TFR2: variants seen among roughly 807,000 people sequenced by gnomAD.
TFR2 encodes the protein transferrin receptor 2, also known as transferrin receptor protein 2.
Under a neutral mutation model 91.9 loss-of-function variants are expected in TFR2, and 64 were observed. The ratio of observed to expected loss-of-function variants is 0.70; its 90% CI spans 0.57 to 0.86. The LOEUF is 0.86. Among genes scored for constraint, TFR2 ranks in the 40% least tolerant of loss-of-function variants. The pLI, the probability that TFR2 is intolerant of heterozygous loss-of-function variation, is 0.00. For missense variants in TFR2, 950 were observed against 1,080.5 expected (o/e 0.88, Z 1.69); for synonymous variants, 454 against 459.6 (o/e 0.99, Z 0.15).
chr7:100,630,834 CA>C (rs1562840610), intron 9 of TFR2, 54 bp downstream of exon 9: 1 of 1,609,720 alleles, frequency 6.2e-7, no homozygotes, highest in African/African-American at 1.3e-5. Flanking sequence ...GGTGTATGGG[CA>C]GAAATTCCCC....
chr7:100,630,033 C>G (rs768214183), intron 9 of TFR2, among the ~76,000 whole-genome samples: 1 of 152,150 alleles, frequency 6.6e-6, no homozygotes, highest in Non-Finnish European at 1.5e-5. Flanking sequence ...CGTGAGCCAC[C>G]GCACCCAGCC....
chr7:100,626,558 C>T (rs1335593446), intron 17 of TFR2: 3 of 1,410,816 alleles, frequency 2.1e-6, no homozygotes, highest in Non-Finnish European at 1.8e-6. Flanking sequence ...CCTCCCTGTC[C>T]ATTTCATCAC....
At chr7:100,631,701 A>G in intron 8 of TFR2, 105 bp downstream of exon 8, 1 of 1,500,634 alleles carries the variant, frequency 6.7e-7, no homozygotes, top group Non-Finnish European at 9.0e-7. Flanking sequence ...CTGCAGGCTT[A>G]AACAAGAGTC....
chr7:100,631,970 A>C, intron 7 of TFR2, 25 bp from the exon 8 acceptor site: 1 of 1,614,080 alleles, frequency 6.2e-7, no homozygotes, highest in South Asian at 1.1e-5. Context: ...GTGCCCACGC[A>C]AAGCTGCGAG....
chr7:100,633,307 C>T lies in TFR2; in HGVS notation c.648G>A (p.Glu216=). The T allele has an allele frequency of 6.2e-7, 1 of 1,613,712 alleles. No homozygotes were observed. Among genetic ancestry groups the T allele is most frequent in the Non-Finnish European group, 8.5e-7 (1 of 1,179,854 alleles). Residue 216 remains glutamate (E), a synonymous_variant, in exon 5 of 18, where the codon GAG becomes GAA. Coordinates refer to ENST00000223051, the MANE Select transcript of TFR2 (RefSeq NM_003227.4). The part of the protein sequence containing the change: ...AHPNTLHWVD[E]AGKVGEQLPL... ...GCAGCTGCTCTCCGACCTTCCCGGCCTCATCGACCCAGTGCAGGGTGTTGG... is the reference window on the plus strand; with the variant it reads ...GCAGCTGCTCTCCGACCTTCCCGGCTTCATCGACCCAGTGCAGGGTGTTGG...
chr7:100,622,557 A>G (rs1343615104), intron 17 of TFR2, among the ~76,000 whole-genome samples: 1 of 152,160 alleles, frequency 6.6e-6, no homozygotes, highest in African/African-American at 2.4e-5. Context: ...GATTTCAGGT[A>G]AGTTTCTTAG....
rs764366227 is a variant in TFR2, at chr7:100,627,653, G to GGCC, written c.1688_1690dup (p.Arg563dup). On this transcript the variant is annotated inframe_insertion, in exon 15 of 18. Coordinates refer to ENST00000223051, the MANE Select transcript of TFR2 (RefSeq NM_003227.4). ...ATAGGCACTGCTGTCCATGGGTAGG[G>GGCC]GCCGGATCCTGGGGGCAGGTGGGTT... The GGCC allele has an allele frequency of 6.2e-7, 1 of 1,614,040 alleles. No homozygotes were observed. Among genetic ancestry groups the GGCC allele is most frequent in the African/African-American group, 1.3e-5 (1 of 74,914 alleles).
rs772921058 is a variant in TFR2 at position 100,633,089 on chromosome 7, T to A, written c.761A>T (p.Glu254Val). 2 of 1,613,490 alleles carry A rather than the reference T, an allele frequency of 1.2e-6. No homozygotes were observed. The highest frequency in any genetic ancestry group is 1.7e-6 in the Non-Finnish European group (2 of 1,179,912). The change falls in exon 6 of 18, where the codon GAA becomes GTA. Residue 254 changes from glutamate to valine, a missense_variant. By Grantham distance (121) the Glu-to-Val change is moderately radical. Coordinates refer to ENST00000223051, the MANE Select transcript of TFR2 (RefSeq NM_003227.4). The part of the protein sequence containing the change: ...ELVYAHYGRP[E>V]DLQDLRARGV... ...CCTGGCCCGCAGGTCCTGCAGGTCT[T>A]CGGGCCGCCCGTAGTGGGCGTACAC...
In TFR2 at chr7:100,633,147, C is replaced by G. The variant is rs143294407; in HGVS notation, c.727-24G>C. 2,281 of 1,613,074 alleles carry G rather than the reference C, an allele frequency of 1.4e-3. 26 individuals are homozygous for G. The African/African-American group carries it at 0.025, about 18-fold the overall frequency. On this transcript the variant is annotated intron_variant, in intron 5 of 17. Transcript: ENST00000223051. The stretch of plus-strand genomic sequence containing the variant: ...CCCTGGGGACACGAGGACGGTGAGG[C>G]GCGCTCCCCGCGTCCCTCCTTCGAG...
Position 100,620,910 on chromosome 7 carries a change from C to T in TFR2, c.2353G>A (p.Gly785Arg). 1 of 1,614,110 alleles carries T rather than the reference C, an allele frequency of 6.2e-7. No individual in the cohort carries two copies. Among genetic ancestry groups the T allele is most frequent in the Non-Finnish European group, 8.5e-7 (1 of 1,179,918 alleles). ...QLALLTWTLQGAANALSGDVW... is the reference protein window; with the variant it reads ...QLALLTWTLQRAANALSGDVW... ...TCCCCGCTAAGCGCATTGGCTGCCCCTTGCAGCGTCCAGGTGAGCAGGGCT... is the reference window on the plus strand; with the variant it reads ...TCCCCGCTAAGCGCATTGGCTGCCCTTTGCAGCGTCCAGGTGAGCAGGGCT... The change falls in exon 18 of 18, where the codon GGG (glycine) becomes AGG (arginine). Residue 785 changes from glycine (G) to arginine (R), a missense_variant. By Grantham distance (125) the Gly-to-Arg change is moderately radical. Transcript: ENST00000223051.
intron 1 of TFR2, 114 bp from the exon 2 acceptor site, chr7:100,641,342 CGTGGGGGAGGGG>C: frequency 4.1e-5 from 8 of 194,494 alleles, no homozygotes; most frequent in East Asian, 1.5e-4. Flanking sequence ...GTGGTGGGGG[CGTGGGGGAGGGG>C]CAGGGGTGGG....
chr7:100,623,887 CAA>C (rs36052130), intron 17 of TFR2, among the ~76,000 whole-genome samples: 19,058 of 96,240 alleles, frequency 0.2, 1,588 homozygotes, highest in Non-Finnish European at 0.23. Flanking sequence ...CCTTCTCTAC[CAA>C]AAAAAAAAAA....
At chr7:100,625,493 G>C (rs1803229526) in intron 17 of TFR2, among the ~76,000 whole-genome samples, 2 of 152,174 alleles carry the variant, frequency 1.3e-5, no homozygotes, top group Non-Finnish European at 2.9e-5. Flanking sequence ...GAATGAGAAT[G>C]AACCATACCC....
chr7:100,640,826 G>A lies in TFR2; in HGVS notation c.333C>T (p.Cys111=), dbSNP rs767726878. Reference sequence around the variant, plus strand: ...CACTGACCACCAACACAGAGTCTCCGCACGCCTGGCAGGACCCTCGGAAGG... The same window carrying A: ...CACTGACCACCAACACAGAGTCTCCACACGCCTGGCAGGACCCTCGGAAGG... ...YVAFRGSCQA[C]GDSVLVVSED... The change falls in exon 3 of 18, where the codon TGC becomes TGT. Residue 111 remains cysteine, a synonymous_variant. Transcript: ENST00000223051. The A allele has an allele frequency of 3.1e-6, 5 of 1,614,038 alleles. No individual in the cohort carries two copies. The highest frequency in any genetic ancestry group is 2.2e-5 in the East Asian group (1 of 44,886).
chr7:100,625,951 T>G (rs754171568), intron 17 of TFR2, among the ~76,000 whole-genome samples: 1 of 151,986 alleles, frequency 6.6e-6, no homozygotes, highest in East Asian at 1.9e-4. Flanking sequence ...GGAGGAGAGA[T>G]AACATGAGCC....
At position 100,627,897 on chromosome 7, in the gene TFR2, G is replaced by A. The variant is rs577722163; in HGVS notation, c.1605+10C>T. 2 of 1,614,076 alleles carry A rather than the reference G, an allele frequency of 1.2e-6. No individual in the cohort carries two copies. The highest frequency in any genetic ancestry group is 1.7e-5 in the Admixed American group (1 of 60,008). ...CTCCCCTTCACCCCCTATTCCTGGGGTGCTCTTGCCTGCTTCAGGACACTC... is the reference window on the plus strand; with the variant it reads ...CTCCCCTTCACCCCCTATTCCTGGGATGCTCTTGCCTGCTTCAGGACACTC... On this transcript the variant is annotated intron_variant, in intron 13 of 17. Transcript: ENST00000223051.
chr7:100,620,734 G>T lies in TFR2; in HGVS notation c.*123C>A. On this transcript the variant is annotated 3_prime_UTR_variant, in exon 18 of 18. Coordinates refer to ENST00000223051, the MANE Select transcript of TFR2 (RefSeq NM_003227.4). ...GGGCTCCGTGGAGAGATGTGTAGGGGTAATGAGAAATTGATCAGCAATGAG... is the reference window on the plus strand; with the variant it reads ...GGGCTCCGTGGAGAGATGTGTAGGGTTAATGAGAAATTGATCAGCAATGAG... 7.3e-7 allele frequency: 1 copy of T among 1,368,438 alleles called. No homozygotes were observed. Among genetic ancestry groups the T allele is most frequent in the Non-Finnish European group, 1.0e-6 (1 of 980,042 alleles). 84.8% of individuals were successfully genotyped at this position (1,368,438 alleles called of 1,614,324 possible). A position where few individuals can be genotyped will look rare whatever the true frequency, so the allele number is the denominator to read the frequency against.
Position 100,627,676 on chromosome 7 carries a change from G to A in TFR2, c.1683-15C>T, listed in dbSNP as rs758038845. 8.1e-6 allele frequency: 13 copies of A among 1,613,922 alleles called. No individual in the cohort carries two copies. In the Admixed American group the frequency reaches 1.8e-4, roughly 23 times the overall value. On this transcript the variant is annotated splice_polypyrimidine_tract_variant and intron_variant, in intron 14 of 17. Coordinates refer to ENST00000223051, the MANE Select transcript of TFR2 (RefSeq NM_003227.4). ...GGGGCCGGATCCTGGGGGCAGGTGG[G>A]TTGGAGCGATCTGTGGGTTCAGGCT... is the stretch of plus-strand genomic sequence containing the variant.
At chr7:100,641,354 G>GGGGGGGGGGGCGGGC in intron 1 of TFR2, 123 bp downstream of exon 1, 1 of 570,592 alleles carries the variant, frequency 1.8e-6, no homozygotes, top group Non-Finnish European at 3.1e-6. Context: ...TGGGGGAGGG[G>GGGGGGGGGGGCGGGC]CAGGGGTGGG....
Sources: allele counts gnomAD v4.1 joint callset (sites outside exome capture counted in the v4.1 genomes callset), GRCh38; gene constraint gnomAD v4.1.1; transcripts MANE v1.5; gene names NCBI Gene and HGNC (gene_info 2026-07-23, HGNC 2026-07-21).